Variants in LRRC72 observed in about 807,000 individuals in gnomAD.
The protein encoded by LRRC72 is leucine-rich repeat-containing protein 72.
A neutral mutation model predicts 35.8 loss-of-function variants in LRRC72; 41 were observed. The ratio of observed to expected loss-of-function variants is 1.15; its 90% CI spans 0.89 to 1.49. The LOEUF (loss-of-function observed/expected upper bound fraction) is 1.49. Among genes scored for constraint, LRRC72 ranks in the 40% most tolerant of loss-of-function variants. The pLI, the probability that LRRC72 is intolerant of heterozygous loss-of-function variation, is 0.00. For synonymous variants in LRRC72, 118 were observed against 119.2 expected (o/e 0.99, Z 0.07); for missense variants, 389 against 330.7 (o/e 1.18, Z -1.37).
At chr7:16,568,723 A>C (rs1782892397) in intron 7 of LRRC72, among the ~76,000 whole-genome samples, 1 of 152,190 alleles carries the variant, frequency 6.6e-6, no homozygotes, top group Non-Finnish European at 1.5e-5. Context: ...CAACAACAAC[A>C]ACAACAAGAG....
chr7:16,569,885 T>G (rs1782912761), intron 7 of LRRC72, among the ~76,000 whole-genome samples: 1 of 151,760 alleles, frequency 6.6e-6, no homozygotes, highest in Non-Finnish European at 1.5e-5. Flanking sequence ...GCAAAAATTA[T>G]CTGGGTGCAG....
chr7:16,537,786 A>C, intron 3 of LRRC72, 90 bp downstream of exon 3: 1 of 773,472 alleles, frequency 1.3e-6, no homozygotes, highest in Non-Finnish European at 2.0e-6. Context: ...AAAGTATTAA[A>C]ATTTTTGCTT....
chr7:16,579,942 C>T (rs944857567), intron 7 of LRRC72, 132 bp from the exon 8 acceptor site: 1 of 196,814 alleles, frequency 5.1e-6, no homozygotes, highest in African/African-American at 2.4e-5. Flanking sequence ...ACAGATTGAA[C>T]TATTTGCGTA....
At chr7:16,547,932 G>A (rs1782477231) in intron 3 of LRRC72, among the ~76,000 whole-genome samples, 2 of 152,274 alleles carry the variant, frequency 1.3e-5, no homozygotes, top group African/African-American at 4.8e-5. Context: ...CCTAAAGGCT[G>A]AGGGCTGGGG....
At chr7:16,531,177 T>A (rs1782155045) in intron 1 of LRRC72, among the ~76,000 whole-genome samples, 1 of 143,368 alleles carries the variant, frequency 7.0e-6, no homozygotes, top group Middle Eastern at 3.6e-3. Flanking sequence ...AGCAAAACTC[T>A]CTCAAAAAAA....
rs1027633110 is a variant in LRRC72, at chr7:16,559,694, G to C, written c.427+695G>C. ...TTTAAATAGATGAGTGTTGCCAACG[G>C]CCAAGGAACTGGGAGTTGTGACAGC... On this transcript the variant is annotated intron_variant, in intron 5 of 8. Coordinates refer to ENST00000401542, the MANE Select transcript of LRRC72 (RefSeq NM_001195280.2). Among the ~76,000 whole-genome samples, 3 of 151,850 alleles carry C rather than the reference G, an allele frequency of 2.0e-5. No homozygotes were observed. In the South Asian group the frequency reaches 6.2e-4, roughly 32 times the overall value.
At chr7:16,545,233 A>G (rs1782425371) in intron 3 of LRRC72, among the ~76,000 whole-genome samples, 1 of 152,254 alleles carries the variant, frequency 6.6e-6, no homozygotes, top group Non-Finnish European at 1.5e-5. Flanking sequence ...AATCTTCGAT[A>G]CTGTTATGAT....
chr7:16,532,681 G>A (rs1352778588), intron 2 of LRRC72, 113 bp downstream of exon 2: 8 of 822,468 alleles, frequency 9.7e-6, no homozygotes, highest in Admixed American at 8.0e-5. Flanking sequence ...GACTGGGTAG[G>A]ACTCCAATTA....
intron 3 of LRRC72, among the ~76,000 whole-genome samples, chr7:16,555,009 G>T (rs1053746700): frequency 1.3e-5 from 2 of 152,194 alleles, no homozygotes; most frequent in Non-Finnish European, 2.9e-5. Context: ...GTGGTGAGAG[G>T]AAGAACAGAA....
intron 3 of LRRC72, among the ~76,000 whole-genome samples, chr7:16,546,755 G>A (rs1021047169): frequency 6.6e-6 from 1 of 151,990 alleles, no homozygotes; most frequent in African/African-American, 2.4e-5. Context: ...GCACTGGCTT[G>A]TCCCCAGTGC....
chr7:16,548,512 C>G (rs1023171058), intron 3 of LRRC72, among the ~76,000 whole-genome samples: 1 of 152,228 alleles, frequency 6.6e-6, no homozygotes, highest in Non-Finnish European at 1.5e-5. Flanking sequence ...TTCTAGGCAC[C>G]ACACTGCATT....
chr7:16,567,710 C>T (rs1173986377), intron 7 of LRRC72, among the ~76,000 whole-genome samples, 167 bp downstream of exon 7: 1 of 151,696 alleles, frequency 6.6e-6, no homozygotes, highest in Admixed American at 6.6e-5. Context: ...ACTTTTAGTC[C>T]AGTTAAAGTA....
At chr7:16,572,520 A>C (rs56998828) in intron 7 of LRRC72, among the ~76,000 whole-genome samples, 25 of 152,244 alleles carry the variant, frequency 1.6e-4, no homozygotes, top group Admixed American at 5.2e-4. Context: ...AATAAATGTA[A>C]TCCATCGCAT....
Position 16,527,052 on chromosome 7 carries a change from A to T in LRRC72, c.90+10A>T, listed in dbSNP as rs1260306902. 6.5e-7 allele frequency: 1 copy of T among 1,536,430 alleles called. No homozygotes were observed. The highest frequency in any genetic ancestry group is 8.7e-7 in the Non-Finnish European group (1 of 1,146,150). ...ACAGAGCAGTCGCCGGGTAAGCGGC[A>T]CCTGCCTTCCCAAGCCATCAGCCCC... is the stretch of plus-strand genomic sequence containing the variant. On this transcript the variant is annotated intron_variant, in intron 1 of 8. Transcript: ENST00000401542.
At chr7:16,553,412 T>C (rs1237428556) in intron 3 of LRRC72, among the ~76,000 whole-genome samples, 1 of 152,206 alleles carries the variant, frequency 6.6e-6, no homozygotes, top group Non-Finnish European at 1.5e-5. Context: ...TTCTCCTAGG[T>C]AAACTGGGGA....
chr7:16,547,221 C>A (rs1782458730), intron 3 of LRRC72, among the ~76,000 whole-genome samples: 1 of 152,108 alleles, frequency 6.6e-6, no homozygotes, highest in African/African-American at 2.4e-5. Context: ...CCCGAGAGAC[C>A]CCACCAGAGC....
intron 4 of LRRC72, among the ~76,000 whole-genome samples, 154 bp from the exon 5 acceptor site, chr7:16,558,735 T>C (rs1407515754): frequency 1.3e-5 from 2 of 151,930 alleles, no homozygotes; most frequent in Non-Finnish European, 2.9e-5. Flanking sequence ...TATAATATAT[T>C]ATTAATAGTT....
rs563414301 is a variant in LRRC72, at chr7:16,561,519, C to T, written c.427+2520C>T. Among the ~76,000 whole-genome samples, 13 of 152,228 alleles carry T rather than the reference C, an allele frequency of 8.5e-5. No homozygotes were observed. The South Asian group carries it at 2.7e-3, about 32-fold the overall frequency. On this transcript the variant is annotated intron_variant, in intron 5 of 8. Transcript: ENST00000401542. ...GCCAGGCATGAGGAGTGGGAATTTTCTAGTTTTTAAATACCAGCCTGGTAG... is the reference window on the plus strand; with the variant it reads ...GCCAGGCATGAGGAGTGGGAATTTTTTAGTTTTTAAATACCAGCCTGGTAG...
rs1782277731 is a variant in LRRC72, at chr7:16,537,554, C to G, written c.165-73C>G. On this transcript the variant is annotated intron_variant, in intron 2 of 8. Transcript: ENST00000401542. ...CCTTTCTAGTTACTACGAAGCCATA[C>G]TAACTACATGCCCAGACTTACCTAT... 3.5e-6 allele frequency: 3 copies of G among 863,526 alleles called. No homozygotes were observed. In the South Asian group the frequency reaches 5.3e-5, roughly 15 times the overall value. 53.5% of individuals were successfully genotyped at this position (863,526 alleles called of 1,614,324 possible).
Sources: allele counts gnomAD v4.1 joint callset (sites outside exome capture counted in the v4.1 genomes callset), GRCh38; gene constraint gnomAD v4.1.1; transcripts MANE v1.5; gene names NCBI Gene and HGNC (gene_info 2026-07-23, HGNC 2026-07-21).